The following HSP90AA1 variants were observed in gnomAD, a reference collection of about 807,000 sequenced individuals.
HSP90AA1 encodes heat shock protein HSP 90-alpha.
A neutral mutation model predicts 73.3 loss-of-function variants in HSP90AA1; 18 were observed. The ratio of observed to expected loss-of-function variants is 0.25; its 90% CI spans 0.17 to 0.36. The LOEUF (loss-of-function observed/expected upper bound fraction) is 0.36. HSP90AA1 is among the 10% of genes least tolerant of loss of function. The pLI is 1.00. For missense variants in HSP90AA1, 704 were observed against 874.2 expected (o/e 0.81, Z 2.45); for synonymous variants, 477 against 296.9 (o/e 1.61, Z -6.24).
At position 102,083,019 on chromosome 14, in the gene HSP90AA1, G is replaced by A; in HGVS notation, c.1755+15C>T. ...TTAGAAGTATCAATGATCAGGAAAT[G>A]CTGTATTCACATACCTTTTCAACTT... On this transcript the variant is annotated intron_variant, in intron 9 of 10. Coordinates refer to ENST00000216281, the MANE Select transcript of HSP90AA1 (RefSeq NM_005348.4). 3 of 1,610,454 alleles carry A rather than the reference G, an allele frequency of 1.9e-6. No individual in the cohort carries two copies. The highest frequency in any genetic ancestry group is 1.3e-5 in the African/African-American group (1 of 74,978).
At chr14:102,106,086 A>T (rs2049564244) in intron 1 of HSP90AA1, among the ~76,000 whole-genome samples, 1 of 151,998 alleles carries the variant, frequency 6.6e-6, no homozygotes, top group Admixed American at 6.6e-5. Context: ...AAAAAAAAAA[A>T]GCTGTTGAAA....
At chr14:102,128,124 C>T (rs1386318891) in intron 1 of HSP90AA1, among the ~76,000 whole-genome samples, 1 of 152,188 alleles carries the variant, frequency 6.6e-6, no homozygotes, top group East Asian at 1.9e-4. Flanking sequence ...GAAACAGTAA[C>T]TTGCTGCTGG....
chr14:102,087,120 G>A, upstream of HSP90AA1: 3 of 984,322 alleles, frequency 3.0e-6, no homozygotes, highest in Non-Finnish European at 3.6e-6. Flanking sequence ...GAAGCCTCCC[G>A]AACCTTCCGG....
chr14:102,125,785 A>G (rs1259617629), intron 1 of HSP90AA1, among the ~76,000 whole-genome samples: 1 of 152,192 alleles, frequency 6.6e-6, no homozygotes, highest in East Asian at 1.9e-4. Flanking sequence ...AAAGTTAAGT[A>G]TTAACATAAG....
chr14:102,113,244 G>C (rs549764578), intron 1 of HSP90AA1, among the ~76,000 whole-genome samples: 1 of 151,912 alleles, frequency 6.6e-6, no homozygotes, highest in Non-Finnish European at 1.5e-5. Context: ...GGCTGGTCTC[G>C]AACTCCTGAC....
At chr14:102,129,883 T>A (rs1485317371) in intron 1 of HSP90AA1, among the ~76,000 whole-genome samples, 1 of 152,250 alleles carries the variant, frequency 6.6e-6, no homozygotes, top group Non-Finnish European at 1.5e-5. Flanking sequence ...CATTAGTTGA[T>A]GGGCATTTGG....
chr14:102,132,311 G>A (rs2049917461), intron 1 of HSP90AA1, among the ~76,000 whole-genome samples: 1 of 152,152 alleles, frequency 6.6e-6, no homozygotes, highest in African/African-American at 2.4e-5. Context: ...AGGTTGCAGT[G>A]AGTGGAGACC....
At chr14:102,088,560 C>T (rs543066906), upstream of HSP90AA1, among the ~76,000 whole-genome samples, 100 of 152,344 alleles carry the variant, frequency 6.6e-4, no homozygotes, top group African/African-American at 2.3e-3. Context: ...CTAGCAGCCA[C>T]GTGGCGCGGG....
intron 2 of HSP90AA1, among the ~76,000 whole-genome samples, chr14:102,094,239 C>T (rs1478426478): frequency 6.6e-6 from 1 of 152,208 alleles, no homozygotes; most frequent in Admixed American, 6.5e-5. Flanking sequence ...CTGTTGGCAG[C>T]ACTGAGTGCG....
chr14:102,117,958 G>A (rs780564358), intron 1 of HSP90AA1, among the ~76,000 whole-genome samples: 2 of 152,134 alleles, frequency 1.3e-5, no homozygotes, highest in Non-Finnish European at 2.9e-5. Flanking sequence ...GATGTCCCTG[G>A]TCCAGCTGCA....
intron 1 of HSP90AA1, chr14:102,102,093 C>T (rs748521334): frequency 1.2e-6 from 2 of 1,611,396 alleles, no homozygotes; most frequent in East Asian, 2.2e-5. Context: ...CTGCTGGGAA[C>T]ATAAACACAA....
At chr14:102,126,264 G>T (rs146803058) in intron 1 of HSP90AA1, among the ~76,000 whole-genome samples, 5 of 152,196 alleles carry the variant, frequency 3.3e-5, no homozygotes, top group Admixed American at 1.3e-4. Flanking sequence ...AGGTGTGACA[G>T]GTATGAGGAA....
rs139975646 is a variant in HSP90AA1, at chr14:102,112,745, T to C, written c.156-10660A>G. Among the ~76,000 whole-genome samples the C allele has an allele frequency of 6.3e-3, 959 of 152,306 alleles. 11 individuals carry two copies. The highest frequency in any genetic ancestry group is 0.022 in the African/African-American group (897 of 41,570). ...ATCCTCCTGGCTTTACCTCTCAAAG[T>C]GCTGGGATTACAGGCGTGAGCCACT... On this transcript the variant is annotated intron_variant, in intron 1 of 11. Transcript: ENST00000334701.
intron 2 of HSP90AA1, among the ~76,000 whole-genome samples, chr14:102,100,203 A>G (rs1228758188): frequency 1.3e-5 from 2 of 152,146 alleles, no homozygotes; most frequent in Non-Finnish European, 2.9e-5. Context: ...AAAAAGAACT[A>G]TAAATATTCA....
At chr14:102,096,386 C>G (rs939781056) in intron 2 of HSP90AA1, among the ~76,000 whole-genome samples, 3 of 152,190 alleles carry the variant, frequency 2.0e-5, no homozygotes, top group Admixed American at 6.5e-5. Flanking sequence ...CCCTCAGATT[C>G]AACATTACAG....
At position 102,085,753 on chromosome 14, in the gene HSP90AA1, C is replaced by G. The variant is rs1472764569; in HGVS notation, c.529+5G>C. 6.2e-7 allele frequency: 1 copy of G among 1,614,012 alleles called. No homozygotes were observed. The highest frequency in any genetic ancestry group is 8.5e-7 in the Non-Finnish European group (1 of 1,179,876). On this transcript the variant is annotated splice_donor_5th_base_variant and intron_variant, in intron 3 of 10. Transcript: ENST00000216281. The stretch of plus-strand genomic sequence containing the variant: ...CACTTAACCAGTGAATGTTCAGGTG[C>G]CTACCTGTGTCTGTCCTCACTGTGA...
At chr14:102,127,332 A>C (rs2049852047) in intron 1 of HSP90AA1, among the ~76,000 whole-genome samples, 1 of 152,242 alleles carries the variant, frequency 6.6e-6, no homozygotes. Context: ...AATGAAAAAC[A>C]AAGCTAGCAT....
rs1351446465 is a variant in HSP90AA1 at position 102,108,726 on chromosome 14, G to A, written c.156-6641C>T. Among the ~76,000 whole-genome samples, 10 of 151,572 alleles carry A rather than the reference G, an allele frequency of 6.6e-5. 1 individual carries two copies. In the South Asian group the frequency reaches 1.7e-3, roughly 25 times the overall value. ...AATTTTTTGTATTTTTAGTAGAGACGGAGTTTCACCATGTTGGCCAGGTTG... is the reference window on the plus strand; with the variant it reads ...AATTTTTTGTATTTTTAGTAGAGACAGAGTTTCACCATGTTGGCCAGGTTG... On this transcript the variant is annotated intron_variant, in intron 1 of 11. Transcript: ENST00000334701.
chr14:102,118,366 C>T (rs1422586002), intron 1 of HSP90AA1, among the ~76,000 whole-genome samples: 3 of 151,850 alleles, frequency 2.0e-5, no homozygotes, highest in East Asian at 1.9e-4. Context: ...AAAGAATGTC[C>T]ATACTCTGAG....
Sources: gnomAD v4.1 joint callset for allele counts (sites outside exome capture counted in the v4.1 genomes callset) on GRCh38, gnomAD v4.1.1 for gene constraint, MANE v1.5 for transcripts, NCBI Gene and HGNC (gene_info 2026-07-23, HGNC 2026-07-21) for gene names.